FAT3: variants seen among roughly 807,000 people sequenced by gnomAD.
FAT3 encodes the protein protocadherin Fat 3.
In FAT3, 95 loss-of-function variants were observed where a neutral mutation model predicts 310.2. The ratio of observed to expected loss-of-function variants is 0.31; its 90% CI spans 0.26 to 0.36. The LOEUF (loss-of-function observed/expected upper bound fraction) is 0.36. Among genes scored for constraint, FAT3 ranks in the 10% least tolerant of loss-of-function variants. The probability of loss-of-function intolerance (pLI) is 1.00; values close to 1 mark genes in which losing one functional copy is unlikely to be tolerated. For missense variants in FAT3, 5,408 were observed against 5,715.6 expected (o/e 0.95, Z 1.74); for synonymous variants, 2,314 against 2,192.9 (o/e 1.06, Z -1.54).
intron 3 of FAT3, among the ~76,000 whole-genome samples, chr11:92,581,597 C>T (rs1395367500): frequency 6.6e-6 from 1 of 151,992 alleles, no homozygotes; most frequent in African/African-American, 2.4e-5. Flanking sequence ...TTGTTATCCT[C>T]TGATTGTTCT....
At chr11:92,245,505 A>G (rs950492329) in intron 1 of FAT3, among the ~76,000 whole-genome samples, 1 of 152,110 alleles carries the variant, frequency 6.6e-6, no homozygotes, top group African/African-American at 2.4e-5. Flanking sequence ...AAGAATGTAT[A>G]TCACACAAAT....
chr11:92,661,260 A>G (rs1942770723), intron 3 of FAT3, among the ~76,000 whole-genome samples: 1 of 152,148 alleles, frequency 6.6e-6, no homozygotes, highest in African/African-American at 2.4e-5. Flanking sequence ...CAAACACACA[A>G]TTACATCTGA....
intron 6 of FAT3, among the ~76,000 whole-genome samples, chr11:92,769,130 C>T (rs1946396820): frequency 1.3e-5 from 2 of 152,098 alleles, no homozygotes; most frequent in Non-Finnish European, 2.9e-5. Flanking sequence ...AAGCCTGGAC[C>T]CTTGCATCGA....
At chr11:92,296,462 T>C (rs1018866343) in intron 1 of FAT3, among the ~76,000 whole-genome samples, 2 of 152,082 alleles carry the variant, frequency 1.3e-5, no homozygotes, top group Non-Finnish European at 2.9e-5. Context: ...TCCAGAAACG[T>C]TGGCTGCCAT....
chr11:92,233,987 G>A (rs2134235542), intron 1 of FAT3, among the ~76,000 whole-genome samples: 1 of 152,298 alleles, frequency 6.6e-6, no homozygotes, highest in African/African-American at 2.4e-5. Context: ...AGAGGGAGAT[G>A]CAGGTATTTT....
intron 22 of FAT3, 143 bp downstream of exon 22, chr11:92,867,352 C>A (rs1205184594): frequency 1.1e-6 from 1 of 910,328 alleles, no homozygotes; most frequent in Non-Finnish European, 1.6e-6. Flanking sequence ...CCTTCTTAAT[C>A]TGCTTTAGGG....
intron 2 of FAT3, among the ~76,000 whole-genome samples, chr11:92,364,059 G>A (rs374840671): frequency 6.6e-6 from 1 of 152,032 alleles, no homozygotes; most frequent in Non-Finnish European, 1.5e-5. Context: ...TGTCTTCATT[G>A]TGTATCAGGC....
chr11:92,883,372 G>A lies in FAT3; in HGVS notation c.12916G>A (p.Gly4306Ser), dbSNP rs1949722185. 6.2e-7 allele frequency: 1 copy of A among 1,604,526 alleles called. No homozygotes were observed. Among genetic ancestry groups the A allele is most frequent in the African/African-American group, 1.3e-5 (1 of 74,792 alleles). ...CGACTGCGACTCCATCCGGAAGAAT[G>A]GCTGGGACGCGGGAACTGAGAGTGA... ...RSDCDSIRKN[G>S]WDAGTENKGV... The change falls in exon 24 of 28, where the codon GGC (glycine) becomes AGC (serine). Residue 4306 changes from glycine to serine, a missense_variant. By Grantham distance (56) the Gly-to-Ser change is moderately conservative. This residue lies in a region of FAT3 where 649 missense variants were observed against 666.2 expected (regional missense o/e 0.97). Coordinates refer to ENST00000525166, the MANE Select transcript of FAT3 (RefSeq NM_001367949.2). This position sits in a 1 kb window ranked among gnomAD's most constrained non-coding sequence, Gnocchi z 4.2.
At chr11:92,530,014 A>G (rs1240909540) in intron 3 of FAT3, among the ~76,000 whole-genome samples, 1 of 152,212 alleles carries the variant, frequency 6.6e-6, no homozygotes, top group African/African-American at 2.4e-5. Context: ...CTCAAATTCT[A>G]CCTTTAAGTA....
intron 4 of FAT3, among the ~76,000 whole-genome samples, chr11:92,711,580 G>T (rs892787809): frequency 6.6e-6 from 1 of 152,138 alleles, no homozygotes; most frequent in African/African-American, 2.4e-5. Flanking sequence ...TGATCAGCTT[G>T]CACGCAAATA....
chr11:92,528,033 T>G (rs2135373730), intron 3 of FAT3, among the ~76,000 whole-genome samples: 1 of 152,352 alleles, frequency 6.6e-6, no homozygotes, highest in South Asian at 2.1e-4. Context: ...ATTAAAATGA[T>G]TAACGCCAAC....
rs2136414488 is a variant in FAT3, at chr11:92,883,141, C to T, written c.12685C>T (p.Gln4229Ter). The change falls in exon 24 of 28, where the codon CAG becomes TAG. Residue 4229 changes from glutamine to a stop codon, truncating the protein, a stop_gained. Coordinates refer to ENST00000525166, the MANE Select transcript of FAT3 (RefSeq NM_001367949.2). LOFTEE classifies it high-confidence loss of function. This position sits in a 1 kb window ranked among gnomAD's most constrained non-coding sequence, Gnocchi z 4.2. ...RNVYQEVGPP[Q>*]VPVRPMAYTP... ...CGTCTACCAGGAGGTGGGGCCCCCG[C>T]AGGTCCCCGTGCGCCCCATGGCCTA... 6.2e-7 allele frequency: 1 copy of T among 1,613,602 alleles called. No homozygotes were observed. The highest frequency in any genetic ancestry group is 8.5e-7 in the Non-Finnish European group (1 of 1,179,844).
chr11:92,836,005 G>C (rs531933756), intron 15 of FAT3, among the ~76,000 whole-genome samples: 1 of 152,216 alleles, frequency 6.6e-6, no homozygotes, highest in African/African-American at 2.4e-5. Flanking sequence ...TCTGCTGGAG[G>C]ACAGTACATT....
chr11:92,885,886 T>C (rs1466883052), intron 24 of FAT3, among the ~76,000 whole-genome samples: 1 of 152,232 alleles, frequency 6.6e-6, no homozygotes, highest in Admixed American at 6.5e-5. Flanking sequence ...TCTCTCCACT[T>C]ACATCGGTCG....
At chr11:92,444,677 T>TGTGTGCCATGGTGA (rs1555048645) in intron 2 of FAT3, among the ~76,000 whole-genome samples, 1 of 136,034 alleles carries the variant, frequency 7.4e-6, no homozygotes. Flanking sequence ...GGGGAAAACA[T>TGTGTGCCATGGTGA]ACAGTTTATA....
At chr11:92,548,564 T>C (rs1319190640) in intron 3 of FAT3, among the ~76,000 whole-genome samples, 1 of 152,238 alleles carries the variant, frequency 6.6e-6, no homozygotes, top group Non-Finnish European at 1.5e-5. Flanking sequence ...TGATGATAAC[T>C]TTTCAAATTT....
At chr11:92,237,816 A>G (rs1219988394) in intron 1 of FAT3, among the ~76,000 whole-genome samples, 4 of 152,170 alleles carry the variant, frequency 2.6e-5, no homozygotes, top group Non-Finnish European at 5.9e-5. Context: ...CATCTTGAAG[A>G]GAAATTATAG....
At chr11:92,592,544 A>G (rs1320887353) in intron 3 of FAT3, among the ~76,000 whole-genome samples, 2 of 151,948 alleles carry the variant, frequency 1.3e-5, no homozygotes, top group Non-Finnish European at 2.9e-5. Flanking sequence ...CTGGTCTCAA[A>G]TTCCTGACCT....
Position 92,354,551 on chromosome 11 carries a change from A to G in FAT3, c.2439A>G (p.Ser813=). The G allele has an allele frequency of 1.9e-6, 3 of 1,613,906 alleles. No homozygotes were observed. Among genetic ancestry groups the G allele is most frequent in the East Asian group, 2.2e-5 (1 of 44,884 alleles). The stretch of plus-strand genomic sequence containing the variant: ...ACTTAGGTAATCCACAGAAATCGTC[A>G]TGGAGACTGCTGACCATCAATGTGG... ...IYDLGNPQKS[S]WRLLTINVED... The change falls in exon 2 of 28, where the codon TCA becomes TCG. Residue 813 remains serine (S), a synonymous_variant. Coordinates refer to ENST00000525166, the MANE Select transcript of FAT3 (RefSeq NM_001367949.2).
Sources: allele counts gnomAD v4.1 joint callset (sites outside exome capture counted in the v4.1 genomes callset), GRCh38; gene constraint gnomAD v4.1.1; regional missense constraint gnomAD v4.1.1; non-coding constraint Gnocchi (gnomAD v3.1); transcripts MANE v1.5; gene names NCBI Gene and HGNC (gene_info 2026-07-23, HGNC 2026-07-21).